Variants in UNC5A observed in about 807,000 individuals in gnomAD.
UNC5A encodes netrin receptor UNC5A.
A neutral mutation model predicts 87.4 loss-of-function variants in UNC5A; 20 were observed. The observed-to-expected ratio is 0.23, with a 90% CI of 0.16 to 0.33. The LOEUF (loss-of-function observed/expected upper bound fraction) is 0.33, where lower values mean the gene tolerates loss of function less well. Among genes scored for constraint, UNC5A ranks in the 10% least tolerant of loss-of-function variants. The pLI is 1.00. For missense variants in UNC5A, 844 were observed against 1,133.4 expected, an observed-to-expected ratio of 0.74 and a Z score of 3.67; for synonymous variants, 438 against 482.3, an observed-to-expected ratio of 0.91 and a Z score of 1.20.
rs1008233883 is a variant in UNC5A at position 176,865,491 on chromosome 5, C to T, written c.293-2639C>T. The stretch of plus-strand genomic sequence containing the variant: ...GGGCAGAGAAGCAGAGCTTGGGACA[C>T]GTCCCACCCGTAACCGCCAGGGTCC... On this transcript the variant is annotated intron_variant, in intron 2 of 14. Transcript: ENST00000329542. This position sits in a 1 kb window ranked among gnomAD's most constrained non-coding sequence, Gnocchi z 5.3. 3.5e-5 allele frequency: 15 copies of T among 427,352 alleles called. No individual in the cohort carries two copies. The highest frequency in any genetic ancestry group is 1.7e-4 in the Admixed American group (7 of 40,134). The allele number at this position is 427,352 out of a possible 1,614,324, so 26.5% of individuals were successfully genotyped here.
chr5:176,831,883 C>CTTTTTTTTTTTTTTTTT (rs1285414321), intron 1 of UNC5A, among the ~76,000 whole-genome samples: 1 of 115,310 alleles, frequency 8.7e-6, no homozygotes, highest in African/African-American at 3.7e-5. Flanking sequence ...CTTTCTCTCT[C>CTTTTTTTTTTTTTTTTT]TCTTTTTTTT....
rs1169851036 is a variant in UNC5A, at chr5:176,862,656, G to A, written c.103G>A (p.Val35Met). ...AQQSATVANP[V>M]PGANPDLLPH... ...GCAGAGTGCCACCGTGGCCAACCCAGTGCCTGGTGCCAACCCGGACCTGCT... is the reference window on the plus strand; with the variant it reads ...GCAGAGTGCCACCGTGGCCAACCCAATGCCTGGTGCCAACCCGGACCTGCT... Residue 35 changes from valine to methionine, a missense_variant, in exon 2 of 15, where the codon GTG becomes ATG. Coordinates refer to ENST00000329542, the MANE Select transcript of UNC5A (RefSeq NM_133369.3). The A allele has an allele frequency of 6.2e-7, 1 of 1,613,462 alleles. No homozygotes were observed. The highest frequency in any genetic ancestry group is 8.5e-7 in the Non-Finnish European group (1 of 1,179,988).
chr5:176,875,946 G>C lies in UNC5A; in HGVS notation c.1379-1246G>C, dbSNP rs1224207711. On this transcript the variant is annotated intron_variant, in intron 8 of 14. Coordinates refer to ENST00000329542, the MANE Select transcript of UNC5A (RefSeq NM_133369.3). The surrounding 1 kb of genome is among the most constrained non-coding windows in gnomAD (Gnocchi z 5.2). ...CATGGGGCTGTTGGGATGACGAGGT[G>C]AGACGGCATCTGTCAGCTCTTACAG... Among the ~76,000 whole-genome samples the C allele has an allele frequency of 6.6e-6, 1 of 152,254 alleles. No individual in the cohort carries two copies. The highest frequency in any genetic ancestry group is 1.5e-5 in the Non-Finnish European group (1 of 68,052).
rs774781843 is a variant in UNC5A at position 176,868,941 on chromosome 5, C to G, written c.698C>G (p.Ala233Gly). The change falls in exon 5 of 15, where the codon GCC becomes GGC. Residue 233 changes from alanine to glycine, a missense_variant. Physicochemically the swap from Ala to Gly is moderately conservative, Grantham distance 60 (BLOSUM62 0). This residue lies in a region of UNC5A where 314 missense variants were observed against 466.5 expected (regional missense o/e 0.67). Transcript: ENST00000329542. Reference sequence around the variant, plus strand: ...AACATCGTGGCACGTCGCCGCAGCGCCTCCGCTGCTGTCATCGTCTACGGT... The same window carrying G: ...AACATCGTGGCACGTCGCCGCAGCGGCTCCGCTGCTGTCATCGTCTACGGT... ...AKNIVARRRS[A>G]SAAVIVYVDG... 6.2e-7 allele frequency: 1 copy of G among 1,609,882 alleles called. No homozygotes were observed. The highest frequency in any genetic ancestry group is 8.5e-7 in the Non-Finnish European group (1 of 1,178,202).
At chr5:176,868,317 G>A in intron 3 of UNC5A, 44 bp downstream of exon 3, 1 of 1,609,132 alleles carries the variant, frequency 6.2e-7, no homozygotes, top group South Asian at 1.1e-5. Flanking sequence ...ACGGCGGGAG[G>A]GTGTCACCAG....
At chr5:176,878,713 CT>C in intron 13 of UNC5A, 74 bp downstream of exon 13, 2 of 1,502,338 alleles carry the variant, frequency 1.3e-6, no homozygotes, top group Non-Finnish European at 1.8e-6. Context: ...CAAAACGCTC[CT>C]GCCCTGCCTG....
rs1160710281 is a variant in UNC5A, at chr5:176,824,227, C to T, written c.70+13407C>T. Among the ~76,000 whole-genome samples, 2 of 152,164 alleles carry T rather than the reference C, an allele frequency of 1.3e-5. No homozygotes were observed. Among genetic ancestry groups the T allele is most frequent in the African/African-American group, 4.8e-5 (2 of 41,436 alleles). ...ATTTCCCCCATGTGTGGAAAGCGGC[C>T]GTGGGGCTGAGGCGGGTGAGGCCAG... is the stretch of plus-strand genomic sequence containing the variant. On this transcript the variant is annotated intron_variant, in intron 1 of 14. Transcript: ENST00000329542. This position sits in a 1 kb window ranked among gnomAD's most constrained non-coding sequence, Gnocchi z 4.2.
intron 1 of UNC5A, among the ~76,000 whole-genome samples, chr5:176,837,704 A>T (rs1207425548): frequency 1.3e-5 from 2 of 152,160 alleles, no homozygotes; most frequent in Non-Finnish European, 2.9e-5. Context: ...GCTGCCATGG[A>T]TGGGCTGTGT....
rs1456867273 is a variant in UNC5A at position 176,869,192 on chromosome 5, G to T, written c.721+228G>T. Reference sequence around the variant, plus strand: ...AGGTCCTTTGTGGGCAGCGGGCATTGTGCAGAAGGAGATGAGGGACAGGAT... The same window carrying T: ...AGGTCCTTTGTGGGCAGCGGGCATTTTGCAGAAGGAGATGAGGGACAGGAT... On this transcript the variant is annotated intron_variant, in intron 5 of 14. Transcript: ENST00000329542. The surrounding 1 kb of genome is among the most constrained non-coding windows in gnomAD (Gnocchi z 9.1). Among the ~76,000 whole-genome samples the T allele has an allele frequency of 6.6e-6, 1 of 152,168 alleles. No homozygotes were observed. The highest frequency in any genetic ancestry group is 1.5e-5 in the Non-Finnish European group (1 of 68,010).
intron 1 of UNC5A, among the ~76,000 whole-genome samples, chr5:176,832,761 G>T (rs1377356587): frequency 6.6e-6 from 1 of 152,210 alleles, no homozygotes; most frequent in African/African-American, 2.4e-5. Flanking sequence ...TCAGATCTGA[G>T]TTTTAGAAGG....
Position 176,865,609 on chromosome 5 carries a change from G to A in UNC5A, c.293-2521G>A, listed in dbSNP as rs968804870. ...CGATTTCTCAACCCAAAGCCATCGA[G>A]TGCTTTGAGGTGAAGAAAAAGGCTT... is the stretch of plus-strand genomic sequence containing the variant. On this transcript the variant is annotated intron_variant, in intron 2 of 14. Coordinates refer to ENST00000329542, the MANE Select transcript of UNC5A (RefSeq NM_133369.3). This position sits in a 1 kb window ranked among gnomAD's most constrained non-coding sequence, Gnocchi z 5.3. 4 of 456,768 alleles carry A rather than the reference G, an allele frequency of 8.8e-6. No homozygotes were observed. The highest frequency in any genetic ancestry group is 8.0e-5 in the African/African-American group (4 of 50,094). The allele number at this position is 456,768 out of a possible 1,614,324, so 28.3% of individuals were successfully genotyped here.
chr5:176,830,798 ATG>A (rs570886504), intron 1 of UNC5A, among the ~76,000 whole-genome samples: 88 of 59,446 alleles, frequency 1.5e-3, no homozygotes, highest in African/African-American at 5.2e-3. Context: ...GTGTGCTGGC[ATG>A]TGTGTGTGCG....
chr5:176,843,289 G>A (rs1408957414), intron 1 of UNC5A, among the ~76,000 whole-genome samples: 3 of 152,276 alleles, frequency 2.0e-5, no homozygotes, highest in Non-Finnish European at 4.4e-5. Flanking sequence ...CCCAGCAGGG[G>A]AAGGACGCTG....
In UNC5A at chr5:176,843,751, C is replaced by T. The variant is rs1757335390; in HGVS notation, c.71-18873C>T. Among the ~76,000 whole-genome samples, 4 of 152,344 alleles carry T rather than the reference C, an allele frequency of 2.6e-5. No individual in the cohort carries two copies. In the South Asian group the frequency reaches 8.3e-4, roughly 32 times the overall value. On this transcript the variant is annotated intron_variant, in intron 1 of 14. Transcript: ENST00000329542. The stretch of plus-strand genomic sequence containing the variant: ...CACCGGGCTGCGCCCTGGAGCCCCC[C>T]TGCTCAGGCTGGCCAAGGAGGGCGC...
In UNC5A at chr5:176,844,401, C is replaced by G. The variant is rs530958216; in HGVS notation, c.71-18223C>G. Among the ~76,000 whole-genome samples the G allele has an allele frequency of 2.6e-5, 4 of 152,116 alleles. No homozygotes were observed. The highest frequency in any genetic ancestry group is 9.6e-5 in the African/African-American group (4 of 41,544). ...TCTGTTCTCCTGGGCCTTCCCTGTG[C>G]CAGGGAAGGAGAGGCCAGGGGAAGT... is the stretch of plus-strand genomic sequence containing the variant. On this transcript the variant is annotated intron_variant, in intron 1 of 14. Coordinates refer to ENST00000329542, the MANE Select transcript of UNC5A (RefSeq NM_133369.3). The surrounding 1 kb of genome is among the most constrained non-coding windows in gnomAD (Gnocchi z 4.2).
At position 176,877,202 on chromosome 5, in the gene UNC5A, C is replaced by T. The variant is rs776019663; in HGVS notation, c.1389C>T (p.Leu463=). The T allele has an allele frequency of 5.0e-6, 8 of 1,612,270 alleles. No homozygotes were observed. Among genetic ancestry groups the T allele is most frequent in the African/African-American group, 2.7e-5 (2 of 74,898 alleles). The change falls in exon 9 of 15, where the codon CTC becomes CTT. Residue 463 remains leucine (L), a synonymous_variant. Transcript: ENST00000329542. Reference sequence around the variant, plus strand: ...TTCCTGCCGTTCCAGGAATCAGCCTCCTCATCCCCCCAGATGCCATACCCC... The same window carrying T: ...TTCCTGCCGTTCCAGGAATCAGCCTTCTCATCCCCCCAGATGCCATACCCC... The part of the protein sequence containing the change: ...RLMIPNTGIS[L]LIPPDAIPRG...
chr5:176,837,401 A>G (rs998492941), intron 1 of UNC5A, among the ~76,000 whole-genome samples: 1 of 152,142 alleles, frequency 6.6e-6, no homozygotes, highest in Admixed American at 6.5e-5. Context: ...CTGACTTCCC[A>G]GAGCCCTACT....
intron 1 of UNC5A, among the ~76,000 whole-genome samples, chr5:176,817,384 C>T (rs1247641766): frequency 6.6e-6 from 1 of 152,112 alleles, no homozygotes; most frequent in Non-Finnish European, 1.5e-5. Context: ...CCTAGGTGTC[C>T]CCAGCCAGGG....
At chr5:176,868,425 G>A (rs953164401) in intron 3 of UNC5A, 136 bp from the exon 4 acceptor site, 54 of 1,440,866 alleles carry the variant, frequency 3.7e-5, no homozygotes, top group Non-Finnish European at 4.6e-5. Flanking sequence ...ACACGGCCCA[G>A]CCACCCCATG....
Sources: allele counts gnomAD v4.1 joint callset (sites outside exome capture counted in the v4.1 genomes callset), GRCh38; gene constraint gnomAD v4.1.1; regional missense constraint gnomAD v4.1.1; non-coding constraint Gnocchi (gnomAD v3.1); transcripts MANE v1.5; gene names NCBI Gene and HGNC (gene_info 2026-07-23, HGNC 2026-07-21).